The following POFUT3 variants were observed in gnomAD, a reference collection of about 807,000 sequenced individuals.
The protein encoded by POFUT3 is protein O-fucosyltransferase 3, also known as GDP-fucose protein O-fucosyltransferase 3.
At chr8:33,451,497 T>G in the POFUT3 span, among the ~76,000 whole-genome samples, 3 of 152,052 alleles carry the variant, frequency 2.0e-5, no homozygotes, top group South Asian at 6.2e-4. Flanking sequence ...TATGCATATA[T>G]GTAGATGTAT....
At chr8:33,440,802 CATTT>C in the POFUT3 span, among the ~76,000 whole-genome samples, 1 of 152,036 alleles carries the variant, frequency 6.6e-6, no homozygotes. Context: ...TCTGAGGGGT[CATTT>C]TTTTCACTAG....
the POFUT3 span, among the ~76,000 whole-genome samples, chr8:33,466,037 G>A: frequency 6.6e-6 from 1 of 152,146 alleles, no homozygotes; most frequent in Non-Finnish European, 1.5e-5. Context: ...AGAATTTTAA[G>A]ATTATGAATT....
the POFUT3 span, among the ~76,000 whole-genome samples, chr8:33,380,215 C>CTATATATATATAG: frequency 5.3e-3 from 189 of 35,588 alleles, 8 homozygotes; most frequent in Non-Finnish European, 7.4e-3. Context: ...TATATATATA[C>CTATATATATATAG]TATATATATA....
At chr8:33,372,606 C>A in the POFUT3 span, 1 of 1,613,942 alleles carries the variant, frequency 6.2e-7, no homozygotes, top group South Asian at 1.1e-5. Flanking sequence ...CCCCAAAACT[C>A]TTGAGATGAA....
chr8:33,366,060 T>C, the POFUT3 span, among the ~76,000 whole-genome samples: 1 of 152,202 alleles, frequency 6.6e-6, no homozygotes, highest in Non-Finnish European at 1.5e-5. Flanking sequence ...GTATACACCA[T>C]GGAATACTAT....
chr8:33,414,105 T>C, the POFUT3 span, among the ~76,000 whole-genome samples: 226 of 152,258 alleles, frequency 1.5e-3, no homozygotes, highest in Middle Eastern at 3.4e-3. Flanking sequence ...AGAAATACAA[T>C]TGTCTTAAGA....
the POFUT3 span, among the ~76,000 whole-genome samples, chr8:33,323,435 G>C: frequency 6.6e-6 from 1 of 152,150 alleles, no homozygotes; most frequent in Non-Finnish European, 1.5e-5. Context: ...CACTCACAAA[G>C]GGTAATGAAG....
chr8:33,317,273 T>C, the POFUT3 span, among the ~76,000 whole-genome samples: 3 of 152,134 alleles, frequency 2.0e-5, no homozygotes, highest in African/African-American at 4.8e-5. Context: ...GAAAATACTG[T>C]CCACTGGCAC....
the POFUT3 span, chr8:33,461,585 G>T: frequency 1.7e-5 from 27 of 1,544,134 alleles, no homozygotes; most frequent in Non-Finnish European, 2.1e-5. Context: ...ATTCCTGCTG[G>T]GACCAGGTCT....
the POFUT3 span, among the ~76,000 whole-genome samples, chr8:33,390,548 C>CAAAAAAAAAA: frequency 1.1e-5 from 1 of 87,854 alleles, no homozygotes; most frequent in Non-Finnish European, 2.5e-5. Context: ...TGATTAACTG[C>CAAAAAAAAAA]AAAAAAAAAA....
the POFUT3 span, among the ~76,000 whole-genome samples, chr8:33,467,272 CAAAA>C: frequency 1.4e-5 from 1 of 73,450 alleles, no homozygotes. Flanking sequence ...GACTCTGTCT[CAAAA>C]AAAAAAAAAA....
At chr8:33,422,217 A>C in the POFUT3 span, among the ~76,000 whole-genome samples, 606 of 151,190 alleles carry the variant, frequency 4.0e-3, 4 homozygotes, top group African/African-American at 0.014. Context: ...TAACAGAGGA[A>C]GTGCGCCTTG....
chr8:33,390,225 C>CACAT, the POFUT3 span, among the ~76,000 whole-genome samples: 3,540 of 151,758 alleles, frequency 0.023, 123 homozygotes, highest in African/African-American at 0.079. Flanking sequence ...CACACACACA[C>CACAT]ATGAAGCATG....
the POFUT3 span, among the ~76,000 whole-genome samples, chr8:33,406,446 T>C: frequency 6.6e-6 from 1 of 152,034 alleles, no homozygotes; most frequent in African/African-American, 2.4e-5. Flanking sequence ...GTATACTTCT[T>C]TTTTATTTTT....
chr8:33,405,902 G>C, the POFUT3 span, among the ~76,000 whole-genome samples: 4 of 152,152 alleles, frequency 2.6e-5, no homozygotes, highest in Non-Finnish European at 5.9e-5. Context: ...AATTAACTAT[G>C]TTTACTTTGT....
At chr8:33,441,655 A>T in the POFUT3 span, among the ~76,000 whole-genome samples, 1 of 152,046 alleles carries the variant, frequency 6.6e-6, no homozygotes, top group South Asian at 2.1e-4. Flanking sequence ...TGCTGGGATT[A>T]CAGGCACGAG....
the POFUT3 span, among the ~76,000 whole-genome samples, chr8:33,348,469 CA>C: frequency 6.6e-6 from 1 of 152,062 alleles, no homozygotes; most frequent in Non-Finnish European, 1.5e-5. Context: ...TGTGGATGTG[CA>C]CACATGAAAG....
chr8:33,357,110 C>T, the POFUT3 span, among the ~76,000 whole-genome samples: 5 of 152,168 alleles, frequency 3.3e-5, no homozygotes, highest in Non-Finnish European at 2.9e-5. Context: ...TAGCATGATG[C>T]CTCCAGCTTT....
At chr8:33,322,868 A>G in the POFUT3 span, among the ~76,000 whole-genome samples, 2 of 151,984 alleles carry the variant, frequency 1.3e-5, no homozygotes, top group African/African-American at 4.8e-5. Flanking sequence ...GGTGCATTCA[A>G]TTCCTCCTTT....
Sources: gnomAD v4.1 joint callset for allele counts (sites outside exome capture counted in the v4.1 genomes callset) on GRCh38, gnomAD v4.1.1 for gene constraint, MANE v1.5 for transcripts, NCBI Gene and HGNC (gene_info 2026-07-23, HGNC 2026-07-21) for gene names.